CDH13: variants seen among roughly 807,000 people sequenced by gnomAD.
CDH13 encodes the protein cadherin-13.
Under a neutral mutation model 63.8 loss-of-function variants are expected in CDH13, and 24 were observed. The ratio of observed to expected loss-of-function variants is 0.38; its 90% CI spans 0.27 to 0.53. The LOEUF (loss-of-function observed/expected upper bound fraction) is 0.53, where lower values mean the gene tolerates loss of function less well. CDH13 is among the 20% of genes least tolerant of loss of function. CDH13 has a pLI of 0.85. For missense variants in CDH13, 1,049 were observed against 903.1 expected, an observed-to-expected ratio of 1.16 and a Z score of -2.07; for synonymous variants, 503 against 355.3, an observed-to-expected ratio of 1.42 and a Z score of -4.67.
intron 7 of CDH13, among the ~76,000 whole-genome samples, chr16:83,577,113 C>CA (rs761579318): frequency 6.6e-6 from 1 of 152,346 alleles, no homozygotes; most frequent in Middle Eastern, 3.4e-3. Context: ...GGTCAGGAAT[C>CA]AGTCTGTTGA....
chr16:83,432,819 G>C (rs1453915739), intron 6 of CDH13, among the ~76,000 whole-genome samples: 1 of 152,154 alleles, frequency 6.6e-6, no homozygotes, highest in Non-Finnish European at 1.5e-5. Context: ...AGGTTGCTAG[G>C]AATATTTTCC....
intron 6 of CDH13, among the ~76,000 whole-genome samples, chr16:83,481,514 C>G (rs543624623): frequency 6.6e-6 from 1 of 152,174 alleles, no homozygotes. Flanking sequence ...GGTCAAGAAA[C>G]CAGGCGGCAC....
At chr16:83,750,011 A>G (rs1025791279) in intron 11 of CDH13, among the ~76,000 whole-genome samples, 26 of 152,148 alleles carry the variant, frequency 1.7e-4, no homozygotes, top group African/African-American at 6.0e-4. Context: ...GAAATAGCTC[A>G]TGTTGGCTGG....
intron 3 of CDH13, among the ~76,000 whole-genome samples, chr16:83,109,710 C>T (rs1180094680): frequency 6.6e-6 from 1 of 152,146 alleles, no homozygotes; most frequent in African/African-American, 2.4e-5. Flanking sequence ...ACAAGCCCCA[C>T]CTGTAGAGCG....
chr16:83,794,344 G>C (rs1249808894), intron 13 of CDH13, among the ~76,000 whole-genome samples: 1 of 152,186 alleles, frequency 6.6e-6, no homozygotes, highest in African/African-American at 2.4e-5. Flanking sequence ...CTTGAGGCCA[G>C]GAGTTCAAGA....
chr16:83,762,921 G>A (rs1206630169), intron 11 of CDH13, among the ~76,000 whole-genome samples: 1 of 152,174 alleles, frequency 6.6e-6, no homozygotes, highest in Non-Finnish European at 1.5e-5. Context: ...ACTCTGCCAA[G>A]TTTAAAGAAA....
At chr16:83,503,529 C>T (rs2074331105) in intron 7 of CDH13, among the ~76,000 whole-genome samples, 1 of 152,176 alleles carries the variant, frequency 6.6e-6, no homozygotes, top group East Asian at 1.9e-4. Flanking sequence ...GGAGATGCCA[C>T]TCAGCAATCA....
rs771250206 is a variant in CDH13, at chr16:82,664,306, C to T, written c.45+37169C>T. 4.3e-4 allele frequency among the ~76,000 whole-genome samples: 65 copies of T among 152,344 alleles called. No individual in the cohort carries two copies. In the Middle Eastern group the frequency reaches 0.014, roughly 32 times the overall value. On this transcript the variant is annotated intron_variant, in intron 1 of 13. Coordinates refer to ENST00000567109, the MANE Select transcript of CDH13 (RefSeq NM_001257.5). ...AGGGTTGTTGGAAGACAAAAGCATC[C>T]TGCTTCACTCTTGTCTCTCCAGGCT...
chr16:83,797,540 A>G lies in CDH13; in HGVS notation c.*2510A>G, dbSNP rs756909277. On this transcript the variant is annotated 3_prime_UTR_variant, in exon 14 of 14. Coordinates refer to ENST00000567109, the MANE Select transcript of CDH13 (RefSeq NM_001257.5). ...CTAATAGTTTCCAGAAAAAAAGGAA[A>G]ATAAACCAATTCTTATAGGCCAAAG... The G allele has an allele frequency of 2.0e-5, 3 of 152,244 alleles. No homozygotes were observed. Among genetic ancestry groups the G allele is most frequent in the Non-Finnish European group, 4.4e-5 (3 of 68,046 alleles). 9.4% of individuals were successfully genotyped at this position (152,244 alleles called of 1,614,324 possible).
rs149514042 is a variant in CDH13 at position 83,069,180 on chromosome 16, G to A, written c.366+36962G>A. Among the ~76,000 whole-genome samples the A allele has an allele frequency of 1.6e-4, 25 of 152,188 alleles. 1 individual carries two copies. The East Asian group carries it at 2.9e-3, about 18-fold the overall frequency. ...CATCTTGAATTATTTTTGTCAATGC[G>A]CATTTTCCAATAAAGGAGTAATCAG... is the stretch of plus-strand genomic sequence containing the variant. On this transcript the variant is annotated intron_variant, in intron 3 of 13. Transcript: ENST00000567109.
intron 1 of CDH13, among the ~76,000 whole-genome samples, chr16:82,640,496 C>T (rs1003910664): frequency 3.3e-5 from 5 of 152,022 alleles, no homozygotes; most frequent in East Asian, 1.9e-4. Flanking sequence ...CAATTCTATC[C>T]GTGTAGCATT....
intron 4 of CDH13, among the ~76,000 whole-genome samples, chr16:83,161,319 T>G (rs2037433589): frequency 6.6e-6 from 1 of 152,042 alleles, no homozygotes; most frequent in African/African-American, 2.4e-5. Context: ...TATTCAGAAT[T>G]TGAATATTGA....
At chr16:82,659,485 T>C (rs905698733) in intron 1 of CDH13, among the ~76,000 whole-genome samples, 6 of 152,002 alleles carry the variant, frequency 3.9e-5, no homozygotes, top group Admixed American at 6.5e-5. Flanking sequence ...CATTCTCAAA[T>C]GGAAATTGGA....
At chr16:82,866,116 A>C (rs1344821537) in intron 2 of CDH13, among the ~76,000 whole-genome samples, 1 of 151,912 alleles carries the variant, frequency 6.6e-6, no homozygotes, top group Non-Finnish European at 1.5e-5. Context: ...GTTCCTCATC[A>C]CCCTCTGAGA....
intron 5 of CDH13, among the ~76,000 whole-genome samples, chr16:83,282,530 A>T (rs1258124224): frequency 6.6e-6 from 1 of 152,220 alleles, no homozygotes; most frequent in Non-Finnish European, 1.5e-5. Context: ...AATATAAGTC[A>T]CTAAAACCCC....
At chr16:82,706,875 A>G (rs1597371914) in intron 1 of CDH13, among the ~76,000 whole-genome samples, 1 of 152,198 alleles carries the variant, frequency 6.6e-6, no homozygotes, top group Non-Finnish European at 1.5e-5. Flanking sequence ...TGAATTAGGT[A>G]TATGTGCCTG....
intron 2 of CDH13, among the ~76,000 whole-genome samples, chr16:83,029,091 G>A (rs117204468): frequency 6.6e-6 from 1 of 152,178 alleles, no homozygotes; most frequent in South Asian, 2.1e-4. Context: ...GATTAACTAA[G>A]GTGATGTGTG....
chr16:83,417,606 A>G (rs1289818221), intron 6 of CDH13, among the ~76,000 whole-genome samples: 1 of 152,200 alleles, frequency 6.6e-6, no homozygotes, highest in Non-Finnish European at 1.5e-5. Context: ...GCAGCAAACA[A>G]ACACTTCAGC....
At chr16:83,481,297 C>T (rs2073754842) in intron 6 of CDH13, among the ~76,000 whole-genome samples, 2 of 152,162 alleles carry the variant, frequency 1.3e-5, no homozygotes. Flanking sequence ...ATGAGCCTGA[C>T]ACTTTTTGAT....
Sources: gnomAD v4.1 joint callset for allele counts (sites outside exome capture counted in the v4.1 genomes callset) on GRCh38, gnomAD v4.1.1 for gene constraint, MANE v1.5 for transcripts, NCBI Gene and HGNC (gene_info 2026-07-23, HGNC 2026-07-21) for gene names.